The following PARVA variants were observed in gnomAD, a reference collection of about 807,000 sequenced individuals.
The protein encoded by PARVA is parvin alpha, also known as alpha-parvin.
In PARVA, 25 loss-of-function variants were observed where a neutral mutation model predicts 52.6. The ratio of observed to expected loss-of-function variants is 0.48; its 90% CI spans 0.35 to 0.66. The LOEUF (loss-of-function observed/expected upper bound fraction) is 0.66. Among genes scored for constraint, PARVA ranks in the 30% least tolerant of loss-of-function variants. PARVA has a pLI of 0.01. For synonymous variants in PARVA, 185 were observed against 179.1 expected, an observed-to-expected ratio of 1.03 and a Z score of -0.26; for missense variants, 373 against 450.9, an observed-to-expected ratio of 0.83 and a Z score of 1.56.
At position 12,448,904 on chromosome 11, in the gene PARVA, T is replaced by C. The variant is rs191964593; in HGVS notation, c.137-24841T>C. 3.2e-3 allele frequency among the ~76,000 whole-genome samples: 489 copies of C among 152,310 alleles called. 7 individuals carry two copies. The highest frequency in any genetic ancestry group is 5.3e-4 in the Non-Finnish European group (36 of 68,024). ...GGGATGACCTAGGTTCTCTGTACTC[T>C]CTCCCTTCTCTCTGTCTGTTATCTC... On this transcript the variant is annotated intron_variant, in intron 1 of 12. Transcript: ENST00000334956.
intron 1 of PARVA, among the ~76,000 whole-genome samples, chr11:12,412,738 T>A (rs1940008062): frequency 6.6e-6 from 1 of 152,178 alleles, no homozygotes; most frequent in Non-Finnish European, 1.5e-5. Flanking sequence ...AAATAATATT[T>A]GCAGGAAAAA....
At chr11:12,422,570 G>A (rs1328407288) in intron 1 of PARVA, among the ~76,000 whole-genome samples, 1 of 145,002 alleles carries the variant, frequency 6.9e-6, no homozygotes, top group African/African-American at 2.6e-5. Flanking sequence ...CTTTAATTGT[G>A]AGACTGAACA....
chr11:12,524,792 C>T (rs1398227686), intron 12 of PARVA, among the ~76,000 whole-genome samples: 3 of 152,222 alleles, frequency 2.0e-5, no homozygotes, highest in African/African-American at 7.2e-5. Context: ...TTGGAGGGTC[C>T]ATGCTCTCTG....
At chr11:12,446,555 C>T (rs1324898472) in intron 1 of PARVA, among the ~76,000 whole-genome samples, 1 of 152,136 alleles carries the variant, frequency 6.6e-6, no homozygotes, top group East Asian at 1.9e-4. Context: ...TGCAACAACC[C>T]AATGGCCAAC....
intron 12 of PARVA, among the ~76,000 whole-genome samples, chr11:12,522,421 C>CTTTTTTTTTTTT (rs66494894): frequency 7.4e-6 from 1 of 134,634 alleles, no homozygotes; most frequent in Non-Finnish European, 1.5e-5. Flanking sequence ...GAGCTTTATT[C>CTTTTTTTTTTTT]TTTTTTTTTT....
chr11:12,505,172 C>G (rs1941418945), intron 6 of PARVA, among the ~76,000 whole-genome samples: 1 of 152,198 alleles, frequency 6.6e-6, no homozygotes, highest in South Asian at 2.1e-4. Flanking sequence ...ACCCATTTAG[C>G]AAAAGGTCAT....
chr11:12,457,364 G>A (rs554044015), intron 1 of PARVA, among the ~76,000 whole-genome samples: 1 of 152,372 alleles, frequency 6.6e-6, no homozygotes, highest in South Asian at 2.1e-4. Context: ...ATGTTTTGCT[G>A]TTTCCAATGC....
Position 12,499,882 on chromosome 11 carries a change from T to C in PARVA, c.541+3284T>C, listed in dbSNP as rs1941344920. Among the ~76,000 whole-genome samples the C allele has an allele frequency of 2.0e-5, 3 of 152,348 alleles. 1 individual carries two copies. In the South Asian group the frequency reaches 6.2e-4, roughly 32 times the overall value. ...TTATGTTGTTTGGAAGATGTATATA[T>C]TGACAAATCATTAAATATTCTTCTG... On this transcript the variant is annotated intron_variant, in intron 5 of 12. Coordinates refer to ENST00000334956, the MANE Select transcript of PARVA (RefSeq NM_018222.5).
chr11:12,508,772 T>G (rs758168734), intron 7 of PARVA, 130 bp downstream of exon 7: 10 of 767,062 alleles, frequency 1.3e-5, no homozygotes, highest in Admixed American at 2.4e-5. Flanking sequence ...AGCCAATGAT[T>G]ATAGTTTAGC....
intron 4 of PARVA, among the ~76,000 whole-genome samples, chr11:12,482,007 T>A (rs1194101470): frequency 2.0e-5 from 3 of 150,540 alleles, no homozygotes; most frequent in Non-Finnish European, 3.0e-5. Flanking sequence ...CCATCTCTTC[T>A]AAATACAAAA....
At chr11:12,494,698 T>C (rs1268458456) in intron 4 of PARVA, among the ~76,000 whole-genome samples, 2 of 152,082 alleles carry the variant, frequency 1.3e-5, no homozygotes, top group African/African-American at 4.8e-5. Flanking sequence ...AAGAAAAAGT[T>C]ATTGACCTAG....
intron 4 of PARVA, 134 bp from the exon 5 acceptor site, chr11:12,496,324 C>G: frequency 2.3e-6 from 1 of 440,702 alleles, no homozygotes; most frequent in South Asian, 3.9e-5. Flanking sequence ...TGCTGGTAGG[C>G]ATCCAGTATC....
chr11:12,510,855 G>T (rs2042730), intron 7 of PARVA, among the ~76,000 whole-genome samples: 11,835 of 152,158 alleles, frequency 0.078, 1,557 homozygotes, highest in African/African-American at 0.27. Context: ...GAGATTTGGG[G>T]AGGGACACAG....
At chr11:12,455,786 A>T (rs1290434383) in intron 1 of PARVA, among the ~76,000 whole-genome samples, 1 of 152,092 alleles carries the variant, frequency 6.6e-6, no homozygotes, top group Non-Finnish European at 1.5e-5. Context: ...CTGAAACTTC[A>T]TCTCAACACA....
chr11:12,429,158 T>C (rs1940279167), intron 1 of PARVA, among the ~76,000 whole-genome samples: 1 of 152,122 alleles, frequency 6.6e-6, no homozygotes, highest in Non-Finnish European at 1.5e-5. Context: ...TTTTTTAATT[T>C]TTGGTAGAGA....
At chr11:12,381,207 G>A (rs150349270) in intron 1 of PARVA, among the ~76,000 whole-genome samples, 208 of 152,210 alleles carry the variant, frequency 1.4e-3, no homozygotes, top group African/African-American at 4.9e-3. Context: ...CTGAAGTGAT[G>A]GTTAGTAGGT....
rs185439944 is a variant in PARVA, at chr11:12,410,010, T to C, written c.136+32227T>C. Among the ~76,000 whole-genome samples the C allele has an allele frequency of 1.3e-4, 20 of 152,298 alleles. No individual in the cohort carries two copies. The East Asian group carries it at 3.9e-3, about 29-fold the overall frequency. ...AGTTGACTATCTAGGGGACTTGCTA[T>C]TGTTTTCTGTAAACTCTAGGAGTAC... On this transcript the variant is annotated intron_variant, in intron 1 of 12. Coordinates refer to ENST00000334956, the MANE Select transcript of PARVA (RefSeq NM_018222.5).
chr11:12,450,370 C>T (rs1490468597), intron 1 of PARVA, among the ~76,000 whole-genome samples: 1 of 152,110 alleles, frequency 6.6e-6, no homozygotes, highest in Non-Finnish European at 1.5e-5. Flanking sequence ...GTCTGTTTTC[C>T]CCACTGCACT....
chr11:12,477,954 G>C lies in PARVA; in HGVS notation c.400+5G>C. ...AAGTCCTGCAGAAGCTTTTCGGTAG[G>C]AGAGTTGAGTGCTGCAATGGATGTG... is the stretch of plus-strand genomic sequence containing the variant. On this transcript the variant is annotated splice_donor_5th_base_variant and intron_variant, in intron 4 of 12. Transcript: ENST00000334956. 6.6e-7 allele frequency: 1 copy of C among 1,511,346 alleles called. No individual in the cohort carries two copies. Among genetic ancestry groups the C allele is most frequent in the Non-Finnish European group, 9.2e-7 (1 of 1,086,162 alleles). 93.6% of individuals were successfully genotyped at this position (1,511,346 alleles called of 1,614,324 possible). A position where few individuals can be genotyped will look rare whatever the true frequency, so the allele number is the denominator to read the frequency against.
Sources: gnomAD v4.1 joint callset for allele counts (sites outside exome capture counted in the v4.1 genomes callset) on GRCh38, gnomAD v4.1.1 for gene constraint, MANE v1.5 for transcripts, NCBI Gene and HGNC (gene_info 2026-07-23, HGNC 2026-07-21) for gene names.